ADGRL2: variants seen among roughly 807,000 people sequenced by gnomAD.
ADGRL2 encodes the protein adhesion G protein-coupled receptor L2.
Under a neutral mutation model 157.4 loss-of-function variants are expected in ADGRL2, and 44 were observed. That is an observed-to-expected ratio of 0.28 (90% CI 0.22 to 0.36). The LOEUF is 0.36. ADGRL2 is among the 10% of genes least tolerant of loss of function. The pLI is 1.00. For missense variants in ADGRL2, 1,510 were observed against 1,768.9 expected (o/e 0.85, Z 2.63); for synonymous variants, 585 against 624.7 (o/e 0.94, Z 0.95).
At chr1:81,915,665 T>A (rs1276444226) in intron 3 of ADGRL2, among the ~76,000 whole-genome samples, 1 of 152,178 alleles carries the variant, frequency 6.6e-6, no homozygotes, top group Non-Finnish European at 1.5e-5. Flanking sequence ...AGATATAGGC[T>A]GGATAAGGGT....
intron 2 of ADGRL2, among the ~76,000 whole-genome samples, chr1:81,904,579 C>T (rs2094550290): frequency 6.6e-6 from 1 of 152,124 alleles, no homozygotes; most frequent in Non-Finnish European, 1.5e-5. Flanking sequence ...ATGCAAAAAA[C>T]TAATTAATTC....
chr1:81,907,319 AC>A (rs534025011), intron 3 of ADGRL2, 89 bp downstream of exon 3: 273 of 1,048,138 alleles, frequency 2.6e-4, no homozygotes, highest in African/African-American at 2.6e-3. Flanking sequence ...ATGGATATAG[AC>A]CACATCCCAG....
At chr1:81,802,540 G>GGTTA in intron 1 of ADGRL2, among the ~76,000 whole-genome samples, 1 of 152,150 alleles carries the variant, frequency 6.6e-6, no homozygotes, top group Non-Finnish European at 1.5e-5. Flanking sequence ...CTGGCAAGGG[G>GGTTA]GTTAGGATGA....
In ADGRL2 at chr1:81,966,164, C is replaced by G. The variant is rs764194054; in HGVS notation, c.2124C>G (p.Val708=). ...CAATCCAACTGTCCGCAAATACCGTCAAACAGAACAGCAGGAATGGTAAGG... is the reference window on the plus strand; with the variant it reads ...CAATCCAACTGTCCGCAAATACCGTGAAACAGAACAGCAGGAATGGTAAGG... ...GSSIQLSANT[V]KQNSRNGLAK... is the part of the protein sequence containing the mutation. The change falls in exon 12 of 24, where the codon GTC becomes GTG. Residue 708 remains valine (V), a synonymous_variant. Coordinates refer to ENST00000686636, the MANE Select transcript of ADGRL2 (RefSeq NM_001366006.2). The G allele has an allele frequency of 2.5e-6, 4 of 1,614,032 alleles. No individual in the cohort carries two copies. The South Asian group carries it at 4.4e-5, about 18-fold the overall frequency.
chr1:81,534,033 C>A (rs1338941547), intron 2 of ADGRL2, among the ~76,000 whole-genome samples: 1 of 152,168 alleles, frequency 6.6e-6, no homozygotes, highest in Non-Finnish European at 1.5e-5. Flanking sequence ...CTATCGTCAA[C>A]CCAAATTTGA....
At chr1:81,716,530 T>G (rs2084122920) in intron 1 of ADGRL2, among the ~76,000 whole-genome samples, 1 of 152,160 alleles carries the variant, frequency 6.6e-6, no homozygotes, top group African/African-American at 2.4e-5. Context: ...AACAACAAAC[T>G]GAGTAATCTC....
At chr1:81,547,784 T>A (rs1021329782) in intron 2 of ADGRL2, among the ~76,000 whole-genome samples, 16 of 152,198 alleles carry the variant, frequency 1.1e-4, no homozygotes, top group Non-Finnish European at 2.2e-4. Context: ...AGGGGCTATG[T>A]GCTTGGGAGG....
At chr1:81,938,335 A>C (rs1023813036) in intron 4 of ADGRL2, among the ~76,000 whole-genome samples, 1 of 151,774 alleles carries the variant, frequency 6.6e-6, no homozygotes, top group Non-Finnish European at 1.5e-5. Context: ...AGAGCTGCCA[A>C]GAATTATCTT....
At chr1:81,986,764 T>G (rs1169429490) in intron 21 of ADGRL2, 137 bp from the exon 22 acceptor site, 15 of 779,166 alleles carry the variant, frequency 1.9e-5, no homozygotes, top group Admixed American at 2.8e-5. Flanking sequence ...TCAGAACATT[T>G]CAACAGATTT....
chr1:81,737,263 T>C (rs2084932478), intron 1 of ADGRL2, among the ~76,000 whole-genome samples: 1 of 152,208 alleles, frequency 6.6e-6, no homozygotes, highest in Non-Finnish European at 1.5e-5. Context: ...TTTAATTGAC[T>C]CACAGTTCTG....
At chr1:81,955,448 A>G (rs1476461339) in intron 10 of ADGRL2, among the ~76,000 whole-genome samples, 1 of 152,188 alleles carries the variant, frequency 6.6e-6, no homozygotes, top group Non-Finnish European at 1.5e-5. Context: ...TTTCAAGCAT[A>G]CATATTAATC....
intron 1 of ADGRL2, among the ~76,000 whole-genome samples, chr1:81,405,942 A>C (rs2076846656): frequency 6.6e-6 from 1 of 152,198 alleles, no homozygotes; most frequent in Non-Finnish European, 1.5e-5. Flanking sequence ...CCTCTTGAAA[A>C]AGATTATAAT....
intron 3 of ADGRL2, among the ~76,000 whole-genome samples, chr1:81,689,502 A>G (rs1393365969): frequency 1.3e-5 from 2 of 152,212 alleles, no homozygotes; most frequent in Non-Finnish European, 2.9e-5. Context: ...ACAAAAAAAC[A>G]TTTTGTGGGG....
chr1:81,567,163 T>C (rs12146029), intron 2 of ADGRL2, among the ~76,000 whole-genome samples: 11,355 of 152,186 alleles, frequency 0.075, 485 homozygotes, highest in Middle Eastern at 0.11. Context: ...TGGAATCAGC[T>C]GTTCTTTTTG....
chr1:81,548,061 C>T (rs1034068250), intron 2 of ADGRL2, among the ~76,000 whole-genome samples: 8 of 152,164 alleles, frequency 5.3e-5, no homozygotes, highest in African/African-American at 1.2e-4. Flanking sequence ...GGAGTTCTTT[C>T]TCTTACCCAC....
chr1:81,390,002 G>A (rs1398639520), intron 1 of ADGRL2, among the ~76,000 whole-genome samples: 1 of 151,986 alleles, frequency 6.6e-6, no homozygotes, highest in Non-Finnish European at 1.5e-5. Flanking sequence ...TGATAATACA[G>A]GTTGAGGTAA....
At position 81,739,076 on chromosome 1, in the gene ADGRL2, T is replaced by C. The variant is rs536049930; in HGVS notation, c.-142-22735T>C. On this transcript the variant is annotated intron_variant, in intron 1 of 20. Transcript: ENST00000359929. The stretch of plus-strand genomic sequence containing the variant: ...GTGCTGGTAACTGTAGACAAGGCAC[T>C]CTATTCAGTATGAACCAAACAGTAA... Among the ~76,000 whole-genome samples the C allele has an allele frequency of 9.2e-5, 14 of 152,316 alleles. 1 individual carries two copies. Among genetic ancestry groups the C allele is most frequent in the Admixed American group, 9.2e-4 (14 of 15,292 alleles).
At chr1:81,612,650 C>A (rs1330218803) in intron 3 of ADGRL2, among the ~76,000 whole-genome samples, 1 of 151,408 alleles carries the variant, frequency 6.6e-6, no homozygotes, top group Non-Finnish European at 1.5e-5. Flanking sequence ...ATATAGTATG[C>A]CTATTTTCTG....
At chr1:81,871,242 T>C (rs1446588551) in intron 2 of ADGRL2, among the ~76,000 whole-genome samples, 3 of 152,038 alleles carry the variant, frequency 2.0e-5, no homozygotes, top group African/African-American at 7.2e-5. Flanking sequence ...GCTTCGTCCA[T>C]GTCCCTACAA....
Sources: allele counts gnomAD v4.1 joint callset (sites outside exome capture counted in the v4.1 genomes callset), GRCh38; gene constraint gnomAD v4.1.1; transcripts MANE v1.5; gene names NCBI Gene and HGNC (gene_info 2026-07-23, HGNC 2026-07-21).